The following MLLT10 variants were observed in gnomAD, a reference collection of about 807,000 sequenced individuals.
MLLT10 encodes protein AF-10.
MLLT10 carries 30 observed loss-of-function variants against 129.1 expected under a neutral mutation model. The ratio of observed to expected loss-of-function variants is 0.23; its 90% CI spans 0.17 to 0.32. The LOEUF is 0.32. Among genes scored for constraint, MLLT10 ranks in the 10% least tolerant of loss-of-function variants. The pLI is 1.00. For missense variants in MLLT10, 1,119 were observed against 1,268.3 expected (o/e 0.88, Z 1.79); for synonymous variants, 490 against 446.4 (o/e 1.10, Z -1.23).
chr10:21,667,425 G>C (rs2050931216), intron 9 of MLLT10, among the ~76,000 whole-genome samples: 1 of 149,470 alleles, frequency 6.7e-6, no homozygotes, highest in Non-Finnish European at 1.5e-5. Flanking sequence ...CAGTTTTGTG[G>C]GGATTTTTTG....
At chr10:21,624,236 A>G (rs1348199853) in intron 8 of MLLT10, among the ~76,000 whole-genome samples, 1 of 152,210 alleles carries the variant, frequency 6.6e-6, no homozygotes, top group African/African-American at 2.4e-5. Flanking sequence ...CCATACTCCT[A>G]TGTAATCTAT....
At chr10:21,668,276 G>C (rs1479839812) in intron 9 of MLLT10, among the ~76,000 whole-genome samples, 1 of 152,102 alleles carries the variant, frequency 6.6e-6, no homozygotes, top group Non-Finnish European at 1.5e-5. Flanking sequence ...CTCATAGTGT[G>C]TCTTTCAGCC....
intron 13 of MLLT10, among the ~76,000 whole-genome samples, 164 bp from the exon 14 acceptor site, chr10:21,713,608 C>T (rs1222350045): frequency 1.3e-5 from 2 of 152,152 alleles, no homozygotes; most frequent in Non-Finnish European, 2.9e-5. Flanking sequence ...CATGAGAAGT[C>T]AGTGTTTATT....
chr10:21,555,505 G>A (rs935198116), intron 3 of MLLT10, among the ~76,000 whole-genome samples: 1 of 151,642 alleles, frequency 6.6e-6, no homozygotes, highest in African/African-American at 2.4e-5. Context: ...TTACAGGCGT[G>A]AGTCACAATG....
rs548516622 is a variant in MLLT10, at chr10:21,692,591, T to G, written c.1699+10334T>G. On this transcript the variant is annotated intron_variant, in intron 13 of 22. Coordinates refer to ENST00000307729, the MANE Select transcript of MLLT10 (RefSeq NM_001195626.3). ...ATTTCTTGGGCTCAAGCAATCCTCCTGCCTCAGCCTCTTGAGTAGCTGGGA... is the reference window on the plus strand; with the variant it reads ...ATTTCTTGGGCTCAAGCAATCCTCCGGCCTCAGCCTCTTGAGTAGCTGGGA... Among the ~76,000 whole-genome samples the G allele has an allele frequency of 4.6e-5, 7 of 152,164 alleles. No individual in the cohort carries two copies. In the South Asian group the frequency reaches 6.2e-4, roughly 14 times the overall value.
chr10:21,554,938 C>T (rs1434432368), intron 3 of MLLT10, among the ~76,000 whole-genome samples: 1 of 151,880 alleles, frequency 6.6e-6, no homozygotes. Context: ...TCTCAGGCCT[C>T]AGCCTCCCGA....
chr10:21,715,799 A>C lies in MLLT10; in HGVS notation c.1878+1849A>C, dbSNP rs182953692. On this transcript the variant is annotated intron_variant, in intron 14 of 22. Transcript: ENST00000307729. The stretch of plus-strand genomic sequence containing the variant: ...AACAAAGAAATCATAGTTGTAAGTA[A>C]CCCAGGATTCAGTTCAATTAAAATC... 2.4e-3 allele frequency among the ~76,000 whole-genome samples: 370 copies of C among 152,298 alleles called. 3 individuals are homozygous for C. The highest frequency in any genetic ancestry group is 3.7e-3 in the Non-Finnish European group (251 of 68,018).
intron 8 of MLLT10, among the ~76,000 whole-genome samples, chr10:21,640,883 CAA>C (rs1337238031): frequency 6.6e-6 from 1 of 152,194 alleles, no homozygotes; most frequent in African/African-American, 2.4e-5. Flanking sequence ...GATTGACAAA[CAA>C]ATTCTTCCAA....
At chr10:21,567,980 C>A (rs539226699) in intron 3 of MLLT10, among the ~76,000 whole-genome samples, 1 of 151,932 alleles carries the variant, frequency 6.6e-6, no homozygotes. Context: ...CCAACACGCC[C>A]GGGTAATTTT....
chr10:21,632,125 A>C (rs1160360591), intron 8 of MLLT10, among the ~76,000 whole-genome samples: 1 of 152,192 alleles, frequency 6.6e-6, no homozygotes. Context: ...GAAGATAAAA[A>C]GTGAAAGTAG....
intron 22 of MLLT10, 71 bp from the exon 23 acceptor site, chr10:21,741,868 C>G: frequency 6.7e-7 from 1 of 1,496,884 alleles, no homozygotes. Context: ...ATCTCAGTCA[C>G]AGTTTCAAAT....
At chr10:21,556,517 C>T in intron 3 of MLLT10, 4 of 668,414 alleles carry the variant, frequency 6.0e-6, no homozygotes, top group Non-Finnish European at 1.0e-5. Context: ...CTCCTGGTGT[C>T]TCTGAGTGTA....
At chr10:21,740,575 ATTTTTATTTT>A (rs1339698206) in intron 22 of MLLT10, among the ~76,000 whole-genome samples, 1 of 152,176 alleles carries the variant, frequency 6.6e-6, no homozygotes. Context: ...TCTTGGAAAT[ATTTTTATTTT>A]ACTCCAAAGT....
At position 21,727,905 on chromosome 10, in the gene MLLT10, A is replaced by C. The variant is rs1564732103; in HGVS notation, c.2040A>C (p.Ser680=). ...GCAACCTAGTTGGCAGAGGAAGCTC[A>C]CCCCGAGGAAGTCTCTCGCCACGGT... ...NSRNLVGRGS[S]PRGSLSPRSP... Residue 680 remains serine, a synonymous_variant, in exon 16 of 23, where the codon TCA becomes TCC. Transcript: ENST00000307729. 5 of 1,614,012 alleles carry C rather than the reference A, an allele frequency of 3.1e-6. No homozygotes were observed. Among genetic ancestry groups the C allele is most frequent in the Non-Finnish European group, 4.2e-6 (5 of 1,179,962 alleles).
intron 11 of MLLT10, among the ~76,000 whole-genome samples, chr10:21,675,747 G>A (rs2052026824): frequency 6.6e-6 from 1 of 152,100 alleles, no homozygotes; most frequent in South Asian, 2.1e-4. Flanking sequence ...TTGCTTTTGT[G>A]GGGAGACCTC....
At position 21,534,643 on chromosome 10, in the gene MLLT10, A is replaced by C. The variant is rs746769323; in HGVS notation, c.1-2A>C. 6.2e-7 allele frequency: 1 copy of C among 1,605,228 alleles called. No homozygotes were observed. Among genetic ancestry groups the C allele is most frequent in the Non-Finnish European group, 8.5e-7 (1 of 1,175,326 alleles). Reference sequence around the variant, plus strand: ...TTAATGGTCCCCCCAACTCCCTCTTAGATGGTCTCTAGCGACCGGCCCGTG... The same window carrying C: ...TTAATGGTCCCCCCAACTCCCTCTTCGATGGTCTCTAGCGACCGGCCCGTG... On this transcript the variant is annotated splice_acceptor_variant, in intron 1 of 22. Coordinates refer to ENST00000307729, the MANE Select transcript of MLLT10 (RefSeq NM_001195626.3). LOFTEE classifies it low-confidence loss of function (5UTR_SPLICE).
intron 8 of MLLT10, among the ~76,000 whole-genome samples, chr10:21,623,089 T>C (rs975550107): frequency 3.3e-5 from 5 of 152,320 alleles, no homozygotes; most frequent in African/African-American, 1.2e-4. Context: ...CCTCTCCAGG[T>C]GCTCCACCCA....
rs754554832 is a variant in MLLT10, at chr10:21,681,390, C to G, written c.1666+14C>G. 19 of 1,594,524 alleles carry G rather than the reference C, an allele frequency of 1.2e-5. No individual in the cohort carries two copies. The highest frequency in any genetic ancestry group is 6.8e-5 in the Admixed American group (4 of 59,204). On this transcript the variant is annotated intron_variant, in intron 12 of 22. Coordinates refer to ENST00000307729, the MANE Select transcript of MLLT10 (RefSeq NM_001195626.3). ...GCCCAACAACTAGTAAGTTGTCAAA[C>G]TGGGTTGATAACCCGGGCCTTTTGT... is the stretch of plus-strand genomic sequence containing the variant.
intron 13 of MLLT10, among the ~76,000 whole-genome samples, chr10:21,690,592 T>C (rs574981345): frequency 3.3e-5 from 5 of 152,208 alleles, no homozygotes; most frequent in Non-Finnish European, 5.9e-5. Context: ...TATTTTATTT[T>C]AAATTCTCAG....
Sources: gnomAD v4.1 joint callset for allele counts (sites outside exome capture counted in the v4.1 genomes callset) on GRCh38, gnomAD v4.1.1 for gene constraint, MANE v1.5 for transcripts, NCBI Gene and HGNC (gene_info 2026-07-23, HGNC 2026-07-21) for gene names.